Variants in TAF3 observed in about 807,000 individuals in gnomAD.
TAF3 encodes the protein TATA-box binding protein associated factor 3.
TAF3 carries 7 observed loss-of-function variants against 80.6 expected under a neutral mutation model. The observed-to-expected ratio is 0.09, with a 90% CI of 0.05 to 0.16. TAF3 has a LOEUF of 0.16. Ranked by LOEUF, TAF3 falls within the 10% of genes least tolerant of loss-of-function variation. The pLI is 1.00. For synonymous variants in TAF3, 444 were observed against 446.1 expected, an observed-to-expected ratio of 1.00 and a Z score of 0.06; for missense variants, 921 against 1,140.2, an observed-to-expected ratio of 0.81 and a Z score of 2.77.
At chr10:7,883,275 T>G (rs371837470) in intron 2 of TAF3, among the ~76,000 whole-genome samples, 23 of 152,336 alleles carry the variant, frequency 1.5e-4, no homozygotes, top group East Asian at 7.7e-4. Flanking sequence ...CCTCACCACT[T>G]TGGAAGAGAA....
intron 4 of TAF3, among the ~76,000 whole-genome samples, chr10:7,994,020 C>T (rs1227494814): frequency 2.1e-5 from 3 of 144,878 alleles, no homozygotes; most frequent in Non-Finnish European, 4.5e-5. Context: ...TTTTCTCCCC[C>T]ATCCCTCCCC....
At chr10:7,854,274 A>G (rs1837057181) in intron 2 of TAF3, among the ~76,000 whole-genome samples, 2 of 152,232 alleles carry the variant, frequency 1.3e-5, no homozygotes, top group East Asian at 3.8e-4. Context: ...GCAAACATGC[A>G]TAGAGTTTCT....
In TAF3 at chr10:8,014,890, A is replaced by G; in HGVS notation, c.*139A>G. ...AAGAACCCAGGAGGACTGAGGCTGG[A>G]ACACACCGCGCACCTGGATTGTTCA... On this transcript the variant is annotated 3_prime_UTR_variant, in exon 7 of 7. Coordinates refer to ENST00000344293, the MANE Select transcript of TAF3 (RefSeq NM_031923.4). The G allele has an allele frequency of 1.4e-6, 1 of 708,590 alleles. No individual in the cohort carries two copies. The highest frequency in any genetic ancestry group is 2.3e-6 in the Non-Finnish European group (1 of 434,768). The allele number at this position is 708,590 out of a possible 1,614,324, so 43.9% of individuals were successfully genotyped here.
chr10:7,945,554 C>A (rs772307806), intron 2 of TAF3, among the ~76,000 whole-genome samples: 1 of 152,050 alleles, frequency 6.6e-6, no homozygotes, highest in Non-Finnish European at 1.5e-5. Flanking sequence ...CTCTAGATGC[C>A]GCAGGGAGGC....
intron 2 of TAF3, among the ~76,000 whole-genome samples, chr10:7,835,520 G>A (rs1836843384): frequency 6.6e-6 from 1 of 152,148 alleles, no homozygotes; most frequent in East Asian, 1.9e-4. Context: ...GGCCAGCTGT[G>A]ATTCCACTGC....
At chr10:7,940,180 C>A (rs906146080) in intron 2 of TAF3, among the ~76,000 whole-genome samples, 4 of 152,166 alleles carry the variant, frequency 2.6e-5, no homozygotes, top group African/African-American at 9.7e-5. Context: ...GAAATAATTT[C>A]AACCTTAAAT....
chr10:7,996,841 T>TG (rs1284532898), intron 4 of TAF3, among the ~76,000 whole-genome samples: 1 of 105,594 alleles, frequency 9.5e-6, no homozygotes, highest in African/African-American at 3.4e-5. Context: ...CACCACACTC[T>TG]ATTTTTTTTT....
intron 2 of TAF3, among the ~76,000 whole-genome samples, chr10:7,886,129 A>G (rs11255424): frequency 0.29 from 44,476 of 151,732 alleles, 7,849 homozygotes; most frequent in Non-Finnish European, 0.38. Context: ...GGGTCTCACT[A>G]TGTTGCCTGG....
intron 4 of TAF3, among the ~76,000 whole-genome samples, chr10:8,001,855 A>G (rs1268861375): frequency 6.6e-6 from 1 of 152,196 alleles, no homozygotes; most frequent in African/African-American, 2.4e-5. Context: ...TGCATAGTAA[A>G]GCACATGAAC....
chr10:7,959,640 A>T (rs1462736098), intron 2 of TAF3, among the ~76,000 whole-genome samples: 1 of 152,206 alleles, frequency 6.6e-6, no homozygotes, highest in African/African-American at 2.4e-5. Context: ...GTTATGAGTT[A>T]TTTGAGCTCT....
intron 2 of TAF3, among the ~76,000 whole-genome samples, chr10:7,887,049 C>T (rs1837414637): frequency 6.6e-6 from 1 of 151,984 alleles, no homozygotes; most frequent in African/African-American, 2.4e-5. Context: ...TCCTGGCTAA[C>T]ATGGTGAAAC....
chr10:7,949,920 T>C lies in TAF3; in HGVS notation c.410-14000T>C, dbSNP rs368262738. Among the ~76,000 whole-genome samples, 17 of 152,280 alleles carry C rather than the reference T, an allele frequency of 1.1e-4. No individual in the cohort carries two copies. In the East Asian group the frequency reaches 2.7e-3, roughly 24 times the overall value. On this transcript the variant is annotated intron_variant, in intron 2 of 6. Coordinates refer to ENST00000344293, the MANE Select transcript of TAF3 (RefSeq NM_031923.4). Reference sequence around the variant, plus strand: ...ATCACCACTGCCTGTCCAATAAAGATAGGAAGATACTACTGGTTAGAAAAG... The same window carrying C: ...ATCACCACTGCCTGTCCAATAAAGACAGGAAGATACTACTGGTTAGAAAAG...
Position 7,965,140 on chromosome 10 carries a change from A to G in TAF3, c.1630A>G (p.Arg544Gly). 6.2e-7 allele frequency: 1 copy of G among 1,612,066 alleles called. No homozygotes were observed. Among genetic ancestry groups the G allele is most frequent in the Non-Finnish European group, 8.5e-7 (1 of 1,179,422 alleles). ...KKKEKQRDRE[R>G]EKDKNKDKSK... Reference sequence around the variant, plus strand: ...GAAAGAAAAGCAGAGAGATAGGGAGAGGGAAAAAGACAAGAACAAGGACAA... The same window carrying G: ...GAAAGAAAAGCAGAGAGATAGGGAGGGGGAAAAAGACAAGAACAAGGACAA... The change falls in exon 3 of 7, where the codon AGG (arginine) becomes GGG (glycine). Residue 544 changes from arginine (R) to glycine (G), a missense_variant. Arg to Gly is a moderately radical substitution (Grantham distance 125). Around this residue, in one of 6 missense-constraint regions of TAF3, gnomAD observed 743 missense variants for 821.0 expected, o/e 0.90. Coordinates refer to ENST00000344293, the MANE Select transcript of TAF3 (RefSeq NM_031923.4).
chr10:7,831,951 C>T (rs1836805338), intron 2 of TAF3, among the ~76,000 whole-genome samples: 1 of 150,828 alleles, frequency 6.6e-6, no homozygotes, highest in Non-Finnish European at 1.5e-5. Flanking sequence ...GGGTGCAAAG[C>T]GATGTTATGT....
At chr10:7,838,738 A>G (rs1178746059) in intron 2 of TAF3, among the ~76,000 whole-genome samples, 2 of 151,978 alleles carry the variant, frequency 1.3e-5, no homozygotes, top group African/African-American at 2.4e-5. Flanking sequence ...GCCCCCTAAC[A>G]TCCGACGCTA....
chr10:7,847,123 G>C lies in TAF3; in HGVS notation c.409+22563G>C, dbSNP rs577079747. Among the ~76,000 whole-genome samples the C allele has an allele frequency of 2.0e-5, 3 of 152,312 alleles. No individual in the cohort carries two copies. The South Asian group carries it at 6.2e-4, about 32-fold the overall frequency. On this transcript the variant is annotated intron_variant, in intron 2 of 6. Coordinates refer to ENST00000344293, the MANE Select transcript of TAF3 (RefSeq NM_031923.4). ...ATGCAAAGAGATAGCATTTCTGGCT[G>C]ATGAGGATTATAATGGAATTGGCCA...
intron 2 of TAF3, among the ~76,000 whole-genome samples, chr10:7,945,489 T>C (rs560026263): frequency 6.6e-6 from 1 of 152,308 alleles, no homozygotes; most frequent in South Asian, 2.1e-4. Flanking sequence ...CTACCTGCCT[T>C]CCTTGGTATC....
intron 2 of TAF3, among the ~76,000 whole-genome samples, chr10:7,838,039 A>G (rs374304831): frequency 1.3e-5 from 2 of 152,226 alleles, no homozygotes; most frequent in South Asian, 2.1e-4. Flanking sequence ...ATCTTGAAAC[A>G]GGTCCTAAAG....
At chr10:8,013,410 G>GTT (rs569497947) in intron 5 of TAF3, among the ~76,000 whole-genome samples, 1 of 146,740 alleles carries the variant, frequency 6.8e-6, no homozygotes, top group Non-Finnish European at 1.5e-5. Flanking sequence ...CATAGTTATA[G>GTT]TTTTTTTTTT....
Sources: allele counts gnomAD v4.1 joint callset (sites outside exome capture counted in the v4.1 genomes callset), GRCh38; gene constraint gnomAD v4.1.1; regional missense constraint gnomAD v4.1.1; transcripts MANE v1.5; gene names NCBI Gene and HGNC (gene_info 2026-07-23, HGNC 2026-07-21).